WDPCP: variants seen among roughly 807,000 people sequenced by gnomAD.
The protein encoded by WDPCP is WD repeat containing planar cell polarity effector, also known as WD repeat-containing and planar cell polarity effector protein fritz homolog.
WDPCP carries 71 observed loss-of-function variants against 93.1 expected under a neutral mutation model. The ratio of observed to expected loss-of-function variants is 0.76; its 90% CI spans 0.63 to 0.93. The LOEUF (loss-of-function observed/expected upper bound fraction) is 0.93, where lower values mean the gene tolerates loss of function less well. WDPCP is among the 40% of genes least tolerant of loss of function. The probability of loss-of-function intolerance (pLI) is 0.00; values close to 1 mark genes in which losing one functional copy is unlikely to be tolerated. For synonymous variants in WDPCP, 315 were observed against 315.0 expected (o/e 1.00, Z 0.00); for missense variants, 844 against 887.4 (o/e 0.95, Z 0.62).
intron 2 of WDPCP, among the ~76,000 whole-genome samples, chr2:63,749,850 T>C (rs1044913313): frequency 2.0e-5 from 3 of 152,146 alleles, no homozygotes; most frequent in African/African-American, 7.2e-5. Flanking sequence ...TTCCACATGA[T>C]GTGAAATTAC....
intron 6 of WDPCP, among the ~76,000 whole-genome samples, chr2:63,457,408 C>T (rs778196621): frequency 5.3e-5 from 8 of 152,098 alleles, no homozygotes; most frequent in Non-Finnish European, 8.8e-5. Flanking sequence ...AGAACTAAAC[C>T]TCCTCAAACT....
intron 1 of WDPCP, among the ~76,000 whole-genome samples, chr2:63,548,692 G>A (rs959832682): frequency 1.3e-5 from 2 of 150,178 alleles, no homozygotes; most frequent in African/African-American, 4.9e-5. Context: ...CCGAGCTCTC[G>A]CCATGTTGCC....
chr2:63,574,255 T>C, intron 1 of WDPCP, among the ~76,000 whole-genome samples: 1 of 152,166 alleles, frequency 6.6e-6, no homozygotes. Flanking sequence ...GCTGCCGACA[T>C]GTGATGTCTC....
At chr2:63,524,796 A>G (rs1368336307) in intron 1 of WDPCP, among the ~76,000 whole-genome samples, 2 of 152,190 alleles carry the variant, frequency 1.3e-5, no homozygotes, top group South Asian at 2.1e-4. Flanking sequence ...AACATAAACT[A>G]TCAACAGAGT....
Position 63,437,847 on chromosome 2 carries a change from A to G in WDPCP, c.500-293T>C, listed in dbSNP as rs766145560. The stretch of plus-strand genomic sequence containing the variant: ...AACAGGGCTATAAAGGTATTTTTAA[A>G]AAACTATTTCGCACCTGAATGTAGA... On this transcript the variant is annotated intron_variant, in intron 7 of 17. Transcript: ENST00000272321. The G allele has an allele frequency of 8.1e-6, 13 of 1,598,586 alleles. No homozygotes were observed. In the Admixed American group the frequency reaches 2.2e-4, roughly 28 times the overall value.
chr2:63,205,374 G>T (rs962097090), intron 14 of WDPCP, among the ~76,000 whole-genome samples: 1 of 152,086 alleles, frequency 6.6e-6, no homozygotes, highest in Admixed American at 6.6e-5. Flanking sequence ...GATGTCAGTG[G>T]TATTTTGATA....
intron 1 of WDPCP, among the ~76,000 whole-genome samples, chr2:63,506,383 T>C (rs74978643): frequency 0.045 from 6,871 of 151,738 alleles, 186 homozygotes; most frequent in South Asian, 0.07. Context: ...AGATGGGGGA[T>C]TGAGCACATG....
chr2:63,321,557 A>G (rs7558922), intron 12 of WDPCP, among the ~76,000 whole-genome samples: 121,824 of 152,064 alleles, frequency 0.8, 49,666 homozygotes, highest in East Asian at 0.96. Flanking sequence ...GTTTCTTCTT[A>G]TATCTCCTAC....
intron 12 of WDPCP, among the ~76,000 whole-genome samples, chr2:63,325,927 G>A (rs529481058): frequency 7.9e-5 from 12 of 152,286 alleles, no homozygotes; most frequent in East Asian, 1.9e-4. Flanking sequence ...ACTCAGACTC[G>A]TGGGACAACC....
chr2:63,538,731 A>G (rs1245943414), intron 1 of WDPCP, among the ~76,000 whole-genome samples: 1 of 152,184 alleles, frequency 6.6e-6, no homozygotes, highest in Non-Finnish European at 1.5e-5. Flanking sequence ...ATATTTTGAC[A>G]TGTATTTTCA....
At chr2:63,622,860 G>A (rs1306429300) in intron 3 of WDPCP, 17 of 1,570,270 alleles carry the variant, frequency 1.1e-5, no homozygotes, top group Middle Eastern at 1.8e-4. Context: ...CTCAGCACCC[G>A]CGCAGCATCA....
chr2:63,518,380 A>T (rs1011334366), intron 1 of WDPCP: 1 of 152,252 alleles, frequency 6.6e-6, no homozygotes, highest in Admixed American at 6.5e-5. Context: ...CCTGGTCCCC[A>T]GTGACTCCTA....
At chr2:63,695,391 C>T (rs1007857819) in intron 2 of WDPCP, among the ~76,000 whole-genome samples, 3 of 152,088 alleles carry the variant, frequency 2.0e-5, no homozygotes, top group Non-Finnish European at 2.9e-5. Flanking sequence ...CAAATCCTGC[C>T]ATGCAGGACA....
At chr2:63,127,125 T>TC (rs1358021541) in intron 17 of WDPCP, among the ~76,000 whole-genome samples, 1 of 148,258 alleles carries the variant, frequency 6.7e-6, no homozygotes, top group East Asian at 2.0e-4. Flanking sequence ...ATTTAACTTT[T>TC]TTTTTTTTTT....
At chr2:63,785,288 C>G (rs1054557922) in intron 2 of WDPCP, among the ~76,000 whole-genome samples, 1 of 152,152 alleles carries the variant, frequency 6.6e-6, no homozygotes, top group African/African-American at 2.4e-5. Context: ...CCCTTCTCCC[C>G]CTCTGCTTCT....
chr2:63,657,203 A>ATG (rs1553448106), intron 2 of WDPCP, among the ~76,000 whole-genome samples: 1 of 53,530 alleles, frequency 1.9e-5, no homozygotes, highest in Non-Finnish European at 3.1e-5. Flanking sequence ...GTTCTGGGTG[A>ATG]TGTTTTTTTT....
At chr2:63,416,946 T>C (rs1030046242) in intron 9 of WDPCP, among the ~76,000 whole-genome samples, 3 of 152,348 alleles carry the variant, frequency 2.0e-5, no homozygotes, top group African/African-American at 7.2e-5. Flanking sequence ...TAACAGGGCC[T>C]GACCCCTTGT....
chr2:63,457,544 C>T (rs1450540773), intron 6 of WDPCP, among the ~76,000 whole-genome samples: 2 of 152,022 alleles, frequency 1.3e-5, no homozygotes, highest in African/African-American at 4.8e-5. Flanking sequence ...AAAATAGATG[C>T]AAAAATCGTC....
intron 17 of WDPCP, among the ~76,000 whole-genome samples, chr2:63,131,977 G>C (rs1438673937): frequency 3.3e-5 from 5 of 151,682 alleles, no homozygotes; most frequent in African/African-American, 9.7e-5. Flanking sequence ...TGGGATTACA[G>C]GCGTGTGCCA....
Sources: allele counts gnomAD v4.1 joint callset (sites outside exome capture counted in the v4.1 genomes callset), GRCh38; gene constraint gnomAD v4.1.1; transcripts MANE v1.5; gene names NCBI Gene and HGNC (gene_info 2026-07-23, HGNC 2026-07-21).